SEL1L: variants seen among roughly 807,000 people sequenced by gnomAD.
SEL1L encodes protein sel-1 homolog 1.
Under a neutral mutation model 109.8 loss-of-function variants are expected in SEL1L, and 52 were observed. That is an observed-to-expected ratio of 0.47 (90% CI 0.38 to 0.60). SEL1L has a LOEUF of 0.60. SEL1L is among the 20% of genes least tolerant of loss of function. SEL1L has a pLI of 0.00. For missense variants in SEL1L, 749 were observed against 962.2 expected (o/e 0.78, Z 2.93); for synonymous variants, 373 against 339.6 (o/e 1.10, Z -1.08).
intron 3 of SEL1L, among the ~76,000 whole-genome samples, chr14:81,519,939 A>G (rs1318774527): frequency 6.6e-6 from 1 of 152,188 alleles, no homozygotes; most frequent in African/African-American, 2.4e-5. Context: ...GGGTACACTG[A>G]AGGCTCTGTG....
chr14:81,491,655 G>T (rs932681123), intron 12 of SEL1L, among the ~76,000 whole-genome samples: 79 of 152,134 alleles, frequency 5.2e-4, no homozygotes, highest in Admixed American at 5.1e-3. Flanking sequence ...AGTTATAAGT[G>T]AAAATACCCA....
intron 20 of SEL1L, among the ~76,000 whole-genome samples, chr14:81,477,910 GCT>G (rs1903221424): frequency 1.3e-5 from 2 of 152,190 alleles, no homozygotes. Flanking sequence ...CAGCTGGAAA[GCT>G]CTGTTCCATG....
chr14:81,526,917 G>C lies in SEL1L; in HGVS notation c.156C>G (p.Gly52=). 1 of 1,603,222 alleles carries C rather than the reference G, an allele frequency of 6.2e-7. No individual in the cohort carries two copies. The highest frequency in any genetic ancestry group is 8.5e-7 in the Non-Finnish European group (1 of 1,176,234). The change falls in exon 3 of 21, where the codon GGC becomes GGG. Residue 52 remains glycine (G), a synonymous_variant. Transcript: ENST00000336735. ...DESVKDHTTA[G]RVVAGQIFLD... The stretch of plus-strand genomic sequence containing the variant: ...GAAATATTTGACCAGCAACTACTCT[G>C]CCTGCAGTAGTATGGTCCTTTACTG...
chr14:81,490,287 T>C (rs1469495755), intron 13 of SEL1L, 101 bp downstream of exon 13: 32 of 813,438 alleles, frequency 3.9e-5, no homozygotes, highest in Admixed American at 1.5e-4. Context: ...CAATAATGTA[T>C]AGCATGAGTT....
chr14:81,505,572 T>C (rs568641096), intron 4 of SEL1L, among the ~76,000 whole-genome samples: 9 of 152,328 alleles, frequency 5.9e-5, no homozygotes, highest in African/African-American at 1.9e-4. Context: ...TGTTTTTTCA[T>C]AGTTAGGAAG....
intron 3 of SEL1L, 68 bp downstream of exon 3, chr14:81,526,665 A>T: frequency 8.7e-7 from 1 of 1,152,224 alleles, no homozygotes; most frequent in Non-Finnish European, 1.3e-6. Flanking sequence ...CAGCCTCTTT[A>T]TTCATTAGCT....
chr14:81,483,712 T>C (rs949413153), intron 19 of SEL1L, among the ~76,000 whole-genome samples: 1 of 152,162 alleles, frequency 6.6e-6, no homozygotes, highest in African/African-American at 2.4e-5. Flanking sequence ...CTTAGACCCT[T>C]TGAAACTTAA....
chr14:81,486,993 T>C (rs956575178), intron 16 of SEL1L, among the ~76,000 whole-genome samples: 9 of 150,166 alleles, frequency 6.0e-5, no homozygotes, highest in African/African-American at 2.2e-4. Flanking sequence ...TTTTAAGAGA[T>C]AGGTTCTTTC....
At chr14:81,501,024 G>A (rs77543898) in intron 6 of SEL1L, among the ~76,000 whole-genome samples, 1,731 of 152,214 alleles carry the variant, frequency 0.011, 45 homozygotes, top group African/African-American at 0.04. Flanking sequence ...CAGCCTCTCC[G>A]TAGAATCACA....
chr14:81,516,219 C>G (rs1884696083), intron 3 of SEL1L, among the ~76,000 whole-genome samples: 2 of 152,300 alleles, frequency 1.3e-5, no homozygotes, highest in Non-Finnish European at 1.5e-5. Context: ...TCACCGAGCC[C>G]CGGGTACGTT....
At position 81,479,599 on chromosome 14, in the gene SEL1L, A is replaced by G. The variant is rs754413540; in HGVS notation, c.2175+13T>C. On this transcript the variant is annotated intron_variant, in intron 20 of 20. Transcript: ENST00000336735. ...CATTTATATTTTAATGAAAAGAGGTACGGACCACTTACGTTTGTTTCCCGT... is the reference window on the plus strand; with the variant it reads ...CATTTATATTTTAATGAAAAGAGGTGCGGACCACTTACGTTTGTTTCCCGT... 1.2e-6 allele frequency: 2 copies of G among 1,600,410 alleles called. No individual in the cohort carries two copies. The highest frequency in any genetic ancestry group is 1.7e-6 in the Non-Finnish European group (2 of 1,175,370).
intron 3 of SEL1L, among the ~76,000 whole-genome samples, chr14:81,515,142 CA>C (rs914898581): frequency 1.3e-5 from 2 of 152,094 alleles, no homozygotes; most frequent in Non-Finnish European, 2.9e-5. Context: ...AAGAAATCTC[CA>C]AAGGACCACA....
In SEL1L at chr14:81,502,766, C is replaced by T. The variant is rs1566977396; in HGVS notation, c.732G>A (p.Glu244=). The change falls in exon 6 of 21, where the codon GAG becomes GAA. Residue 244 remains glutamate (E), a synonymous_variant. Transcript: ENST00000336735. The part of the protein sequence containing the change: ...YLPQNIQAAR[E]MFEKLTEEGS... ...CTTCCTCAGTCAGCTTCTCAAACATCTCTCTCGCTGCCTGGATATTCTGTG... is the reference window on the plus strand; with the variant it reads ...CTTCCTCAGTCAGCTTCTCAAACATTTCTCTCGCTGCCTGGATATTCTGTG... The T allele has an allele frequency of 6.2e-7, 1 of 1,614,028 alleles. No homozygotes were observed. Among genetic ancestry groups the T allele is most frequent in the Non-Finnish European group, 8.5e-7 (1 of 1,180,014 alleles).
intron 4 of SEL1L, among the ~76,000 whole-genome samples, chr14:81,505,035 T>C (rs1258691014): frequency 1.3e-5 from 2 of 152,142 alleles, no homozygotes; most frequent in Non-Finnish European, 2.9e-5. Flanking sequence ...CTTACAGCAG[T>C]GTGAGAATGG....
chr14:81,528,533 T>G (rs1030749149), intron 1 of SEL1L, among the ~76,000 whole-genome samples: 1 of 152,196 alleles, frequency 6.6e-6, no homozygotes, highest in African/African-American at 2.4e-5. Flanking sequence ...CTCTTCTTCC[T>G]GCTCTTACAT....
chr14:81,519,275 C>T (rs1261479343), intron 3 of SEL1L, among the ~76,000 whole-genome samples: 1 of 152,224 alleles, frequency 6.6e-6, no homozygotes, highest in African/African-American at 2.4e-5. Flanking sequence ...TCATTCCATA[C>T]TTTTCCTTTG....
intron 10 of SEL1L, among the ~76,000 whole-genome samples, chr14:81,497,423 C>T (rs979423412): frequency 5.3e-5 from 8 of 152,358 alleles, no homozygotes; most frequent in Admixed American, 3.3e-4. Flanking sequence ...AACGAGCTTA[C>T]TTCTGTTCTT....
chr14:81,497,267 T>C (rs1012236201), intron 10 of SEL1L, among the ~76,000 whole-genome samples: 1 of 152,232 alleles, frequency 6.6e-6, no homozygotes, highest in Non-Finnish European at 1.5e-5. Context: ...AATGCTCATC[T>C]GTACATGTCC....
chr14:81,533,446 G>A (rs1011818404), intron 1 of SEL1L, among the ~76,000 whole-genome samples: 1 of 152,194 alleles, frequency 6.6e-6, no homozygotes, highest in East Asian at 1.9e-4. Context: ...TTGTTACGTG[G>A]GAGAGAGGTG....
Sources: allele counts gnomAD v4.1 joint callset (sites outside exome capture counted in the v4.1 genomes callset), GRCh38; gene constraint gnomAD v4.1.1; transcripts MANE v1.5; gene names NCBI Gene and HGNC (gene_info 2026-07-23, HGNC 2026-07-21).